Variants in DMD observed in about 807,000 individuals in gnomAD.
The protein encoded by DMD is dystrophin, also known as mutant dystrophin.
In DMD, 63 loss-of-function variants were observed where a neutral mutation model predicts 330.1. That is an observed-to-expected ratio of 0.19 (90% CI 0.16 to 0.24). DMD has a LOEUF of 0.24. Among genes scored for constraint, DMD ranks in the 10% least tolerant of loss-of-function variants. DMD has a pLI of 1.00. For synonymous variants in DMD, 1,223 were observed against 959.8 expected (o/e 1.27, Z -5.07); for missense variants, 3,344 against 2,684.1 (o/e 1.25, Z -5.43).
chrX:32,368,772 G>T (rs2097862842), intron 34 of DMD, among the ~76,000 whole-genome samples: 1 of 111,698 alleles, frequency 9.0e-6, no homozygotes. Context: ...CAGCATACAT[G>T]CCTTCTTCTG....
At chrX:32,306,698 C>T (rs1257446140) in intron 42 of DMD, among the ~76,000 whole-genome samples, 2 of 109,841 alleles carry the variant, frequency 1.8e-5, no homozygotes, top group African/African-American at 6.6e-5. Flanking sequence ...CCCTCCTTCC[C>T]TCACTCTCTT....
intron 44 of DMD, among the ~76,000 whole-genome samples, chrX:32,054,602 C>T (rs1226742280): frequency 9.2e-6 from 1 of 108,581 alleles, no homozygotes; most frequent in African/African-American, 3.4e-5. Context: ...TAAGCCATAA[C>T]AAGTGTTTGC....
chrX:32,676,611 T>A (rs908156886), intron 9 of DMD, among the ~76,000 whole-genome samples: 1 of 111,456 alleles, frequency 9.0e-6, no homozygotes, highest in Non-Finnish European at 1.9e-5. Context: ...TTATGCACAT[T>A]TAACAAACTC....
intron 7 of DMD, among the ~76,000 whole-genome samples, chrX:32,772,060 G>A (rs2073670352): frequency 8.9e-6 from 1 of 112,245 alleles, no homozygotes; most frequent in Non-Finnish European, 1.9e-5. Flanking sequence ...CTAGAAGAAT[G>A]GGCTGTCAAT....
At chrX:32,807,834 G>T (rs762591291) in intron 7 of DMD, among the ~76,000 whole-genome samples, 63 of 111,583 alleles carry the variant, frequency 5.6e-4, no homozygotes, top group Non-Finnish European at 1.1e-3. Flanking sequence ...CACTTAATAA[G>T]AAAAATATCT....
intron 2 of DMD, among the ~76,000 whole-genome samples, chrX:32,952,714 C>T (rs2091321180): frequency 9.0e-6 from 1 of 111,519 alleles, no homozygotes; most frequent in East Asian, 2.8e-4. Flanking sequence ...TGGATTCTAG[C>T]TCTCATATGA....
At chrX:33,180,893 G>A in intron 1 of DMD, among the ~76,000 whole-genome samples, 1 of 106,120 alleles carries the variant, frequency 9.4e-6, no homozygotes, top group Admixed American at 1.0e-4. Flanking sequence ...TGGAGAAAGG[G>A]TGAGAGAGGT....
chrX:31,722,872 C>T (rs1213299048), intron 52 of DMD, among the ~76,000 whole-genome samples: 1 of 109,523 alleles, frequency 9.1e-6, no homozygotes, highest in Admixed American at 9.8e-5. Context: ...ATGACGAAAC[C>T]CCGTCCCTAC....
At chrX:33,077,082 C>T (rs2094854137) in intron 1 of DMD, among the ~76,000 whole-genome samples, 1 of 110,966 alleles carries the variant, frequency 9.0e-6, no homozygotes, top group African/African-American at 3.3e-5. Context: ...CCAGCTGATC[C>T]ATCAAGTGCA....
At chrX:32,179,956 A>G (rs745674975) in intron 44 of DMD, among the ~76,000 whole-genome samples, 1 of 112,024 alleles carries the variant, frequency 8.9e-6, no homozygotes, top group Non-Finnish European at 1.9e-5. Flanking sequence ...GCCTCTTTTT[A>G]CTTATAAATT....
chrX:31,631,032 A>G (rs2173221), intron 54 of DMD, among the ~76,000 whole-genome samples: 41,553 of 110,209 alleles, frequency 0.38, 6,313 homozygotes, highest in African/African-American at 0.54. Flanking sequence ...TAAGGGCAGC[A>G]TGAAACAGTG....
intron 74 of DMD, among the ~76,000 whole-genome samples, chrX:31,148,484 C>T (rs2036997282): frequency 8.9e-6 from 1 of 112,304 alleles, no homozygotes; most frequent in Admixed American, 9.5e-5. Flanking sequence ...CAACTTTTCA[C>T]TATTATAAAC....
At chrX:32,754,376 C>T (rs778537302) in intron 7 of DMD, among the ~76,000 whole-genome samples, 30 of 110,035 alleles carry the variant, frequency 2.7e-4, no homozygotes, top group Non-Finnish European at 1.5e-4. Flanking sequence ...CAGACTTTTA[C>T]CACTCTGCCC....
intron 11 of DMD, among the ~76,000 whole-genome samples, chrX:32,627,143 T>TCC (rs1334258406): frequency 1.5e-4 from 7 of 46,848 alleles, no homozygotes; most frequent in African/African-American, 9.8e-4. Context: ...TTGTGCCTCT[T>TCC]CCCCGCCCCC....
intron 54 of DMD, among the ~76,000 whole-genome samples, chrX:31,653,612 C>T (rs16989754): frequency 0.022 from 2,458 of 110,822 alleles, 75 homozygotes; most frequent in African/African-American, 0.076. Flanking sequence ...GATCCTGGAA[C>T]AGAAATAAGG....
intron 9 of DMD, among the ~76,000 whole-genome samples, chrX:32,689,874 C>A (rs2063146890): frequency 9.1e-6 from 1 of 110,416 alleles, no homozygotes; most frequent in Admixed American, 9.8e-5. Context: ...AACCATTAAA[C>A]TCTCAACAAA....
intron 52 of DMD, among the ~76,000 whole-genome samples, chrX:31,727,108 G>T (rs73619008): frequency 0.026 from 2,869 of 111,710 alleles, 107 homozygotes; most frequent in African/African-American, 0.089. Context: ...TCCTCTTAGG[G>T]AAAAAATTGA....
chrX:32,293,386 C>A (rs1456889169), intron 42 of DMD, among the ~76,000 whole-genome samples: 1 of 110,443 alleles, frequency 9.1e-6, no homozygotes, highest in East Asian at 2.9e-4. Context: ...GATGAGTATC[C>A]CTAAAGAATA....
intron 2 of DMD, among the ~76,000 whole-genome samples, chrX:32,974,978 A>T (rs890764588): frequency 8.9e-6 from 1 of 112,070 alleles, no homozygotes; most frequent in Non-Finnish European, 1.9e-5. Context: ...AAGCTAGAAA[A>T]AGGAGTACTG....
Sources: gnomAD v4.1 joint callset for allele counts (sites outside exome capture counted in the v4.1 genomes callset) on GRCh38, gnomAD v4.1.1 for gene constraint, MANE v1.5 for transcripts, NCBI Gene and HGNC (gene_info 2026-07-23, HGNC 2026-07-21) for gene names.